Variants in USP24 observed in about 807,000 individuals in gnomAD.
USP24 encodes the protein ubiquitin carboxyl-terminal hydrolase 24.
A neutral mutation model predicts 361.6 loss-of-function variants in USP24; 97 were observed. The ratio of observed to expected loss-of-function variants is 0.27; its 90% CI spans 0.23 to 0.32. USP24 has a LOEUF of 0.32. Ranked by LOEUF, USP24 falls within the 10% of genes least tolerant of loss-of-function variation. The pLI, the probability that USP24 is intolerant of heterozygous loss-of-function variation, is 1.00. For missense variants in USP24, 2,353 were observed against 3,165.6 expected (o/e 0.74, Z 6.16); for synonymous variants, 1,098 against 1,124.6 (o/e 0.98, Z 0.47).
Position 55,131,304 on chromosome 1 carries a change from T to G in USP24, c.3537+1241A>C, listed in dbSNP as rs142504527. On this transcript the variant is annotated intron_variant, in intron 31 of 67. Coordinates refer to ENST00000294383, the MANE Select transcript of USP24 (RefSeq NM_015306.3). ...TCATTTTGAATAAGCCTCCTCAGTA[T>G]GCACGAAAATGTAAAATATAATCTA... Among the ~76,000 whole-genome samples the G allele has an allele frequency of 1.1e-3, 167 of 152,290 alleles. 1 individual carries two copies. The highest frequency in any genetic ancestry group is 2.0e-3 in the Non-Finnish European group (134 of 68,018).
At chr1:55,104,292 G>A (rs925881453) in intron 41 of USP24, among the ~76,000 whole-genome samples, 3 of 152,104 alleles carry the variant, frequency 2.0e-5, no homozygotes, top group African/African-American at 7.2e-5. Context: ...GAATGGAGGA[G>A]AAAGAGTAAA....
chr1:55,197,867 T>C (rs1644461769), intron 1 of USP24, among the ~76,000 whole-genome samples: 1 of 152,226 alleles, frequency 6.6e-6, no homozygotes, highest in African/African-American at 2.4e-5. Flanking sequence ...CTGACCACAA[T>C]TAGATGGGAT....
chr1:55,157,785 G>C (rs917906795), intron 10 of USP24, among the ~76,000 whole-genome samples: 2 of 149,036 alleles, frequency 1.3e-5, no homozygotes, highest in Non-Finnish European at 3.0e-5. Context: ...AGTGGTCCAA[G>C]ATTGTGCCAC....
chr1:55,180,459 G>A (rs1248118702), intron 1 of USP24, among the ~76,000 whole-genome samples: 1 of 152,116 alleles, frequency 6.6e-6, no homozygotes, highest in Admixed American at 6.6e-5. Flanking sequence ...GGCCAGAGGA[G>A]GAGCCTTCAC....
intron 1 of USP24, among the ~76,000 whole-genome samples, chr1:55,210,675 T>G (rs1644827107): frequency 6.6e-6 from 1 of 152,124 alleles, no homozygotes; most frequent in South Asian, 2.1e-4. Flanking sequence ...TTATGTGACT[T>G]AGATATATTA....
chr1:55,212,469 C>T (rs1320350061), intron 1 of USP24, among the ~76,000 whole-genome samples: 1 of 152,182 alleles, frequency 6.6e-6, no homozygotes, highest in African/African-American at 2.4e-5. Flanking sequence ...TTAACTCTCT[C>T]ACCAAGGGTT....
At chr1:55,206,223 A>C (rs542471690) in intron 1 of USP24, among the ~76,000 whole-genome samples, 1 of 152,386 alleles carries the variant, frequency 6.6e-6, no homozygotes, top group South Asian at 2.1e-4. Context: ...AGATAAAAAT[A>C]GTCCTGCTCA....
At chr1:55,206,309 A>G (rs1398275266) in intron 1 of USP24, among the ~76,000 whole-genome samples, 2 of 152,330 alleles carry the variant, frequency 1.3e-5, no homozygotes, top group East Asian at 3.9e-4. Context: ...CTTGGTGTAC[A>G]TGCAAAATGC....
chr1:55,110,076 T>C, intron 39 of USP24, 109 bp downstream of exon 39: 1 of 887,010 alleles, frequency 1.1e-6, no homozygotes, highest in South Asian at 2.4e-5. Context: ...CAAACAATTG[T>C]AATTGTATTT....
chr1:55,182,311 C>G (rs1643997376), intron 1 of USP24, among the ~76,000 whole-genome samples: 2 of 152,272 alleles, frequency 1.3e-5, no homozygotes, highest in South Asian at 4.1e-4. Context: ...CCTTGGCCTC[C>G]CAAAGTGCTG....
intron 31 of USP24, among the ~76,000 whole-genome samples, 188 bp from the exon 32 acceptor site, chr1:55,129,762 T>A (rs968439279): frequency 1.3e-5 from 2 of 152,214 alleles, no homozygotes; most frequent in Admixed American, 6.5e-5. Context: ...TCTATTTACT[T>A]TGGAAGAAAA....
In USP24 at chr1:55,072,411, GA is replaced by G; in HGVS notation, c.7603-9del. 6.2e-7 allele frequency: 1 copy of G among 1,609,400 alleles called. No homozygotes were observed. On this transcript the variant is annotated splice_polypyrimidine_tract_variant and intron_variant, in intron 65 of 67. Transcript: ENST00000294383. Reference sequence around the variant, plus strand: ...CCAGTAATGTTCTGACATCTGAGATGAAAGGTCAAAAATGCCATCAGAGGTG... The same window carrying G: ...CCAGTAATGTTCTGACATCTGAGATGAAGGTCAAAAATGCCATCAGAGGTG...
intron 67 of USP24, among the ~76,000 whole-genome samples, chr1:55,070,543 C>T (rs1375255858): frequency 6.6e-6 from 1 of 152,226 alleles, no homozygotes; most frequent in Non-Finnish European, 1.5e-5. Context: ...CCACCTGTCA[C>T]CCCAACTGCT....
intron 2 of USP24, among the ~76,000 whole-genome samples, chr1:55,176,713 G>C (rs1020442508): frequency 2.6e-5 from 4 of 152,126 alleles, no homozygotes; most frequent in African/African-American, 9.7e-5. Context: ...TGAAATGATT[G>C]AACTTACATT....
chr1:55,142,663 AAATT>A, intron 23 of USP24, 75 bp downstream of exon 23: 2 of 1,030,984 alleles, frequency 1.9e-6, no homozygotes, highest in Non-Finnish European at 2.8e-6. Flanking sequence ...TCAACATTAT[AAATT>A]ATCTAAAAAT....
intron 35 of USP24, 57 bp from the exon 36 acceptor site, chr1:55,123,659 T>C: frequency 6.8e-7 from 1 of 1,461,968 alleles, no homozygotes; most frequent in Non-Finnish European, 9.1e-7. Flanking sequence ...TGCAATATTT[T>C]AATCTTTTTA....
intron 44 of USP24, 106 bp downstream of exon 44, chr1:55,100,733 A>C: frequency 1.5e-5 from 17 of 1,107,202 alleles, no homozygotes; most frequent in East Asian, 3.3e-5. Context: ...TTTCTTGGCA[A>C]GAGATTAGTC....
intron 67 of USP24, 46 bp downstream of exon 67, chr1:55,071,768 A>G: frequency 6.5e-7 from 1 of 1,545,290 alleles, no homozygotes; most frequent in Non-Finnish European, 8.9e-7. Context: ...GGAAAGCTTA[A>G]GAGCAAGGCT....
intron 12 of USP24, among the ~76,000 whole-genome samples, chr1:55,155,347 TTCA>T (rs1647529738): frequency 6.6e-6 from 1 of 152,214 alleles, no homozygotes; most frequent in Non-Finnish European, 1.5e-5. Flanking sequence ...TGCCTCACTG[TTCA>T]TCATGTGAGA....
Sources: gnomAD v4.1 joint callset for allele counts (sites outside exome capture counted in the v4.1 genomes callset) on GRCh38, gnomAD v4.1.1 for gene constraint, MANE v1.5 for transcripts, NCBI Gene and HGNC (gene_info 2026-07-23, HGNC 2026-07-21) for gene names.